HIPK2: variants seen among roughly 807,000 people sequenced by gnomAD.
HIPK2 encodes homeodomain interacting protein kinase 2, also known as homeodomain-interacting protein kinase 2.
Under a neutral mutation model 113.7 loss-of-function variants are expected in HIPK2, and 27 were observed. The observed-to-expected ratio is 0.24, with a 90% CI of 0.17 to 0.33. The LOEUF is 0.33. HIPK2 is among the 10% of genes least tolerant of loss of function. The pLI is 1.00. For synonymous variants in HIPK2, 631 were observed against 642.2 expected (o/e 0.98, Z 0.26); for missense variants, 1,257 against 1,588.0 (o/e 0.79, Z 3.54).
chr7:139,646,975 T>C (rs559713992), intron 2 of HIPK2, among the ~76,000 whole-genome samples: 1 of 152,226 alleles, frequency 6.6e-6, no homozygotes, highest in African/African-American at 2.4e-5. Flanking sequence ...CTGGCTCTCA[T>C]GGAAAGCCTT....
At chr7:139,666,395 G>A (rs1802051236) in intron 2 of HIPK2, among the ~76,000 whole-genome samples, 1 of 152,188 alleles carries the variant, frequency 6.6e-6, no homozygotes, top group South Asian at 2.1e-4. Flanking sequence ...AGGGCTCACT[G>A]GAACCATCAA....
intron 2 of HIPK2, among the ~76,000 whole-genome samples, chr7:139,708,474 C>T (rs925083789): frequency 3.9e-5 from 6 of 152,112 alleles, no homozygotes; most frequent in African/African-American, 1.4e-4. Flanking sequence ...TCGGCAAGTA[C>T]CCTGGGTGAT....
chr7:139,573,720 T>C (rs974188702), intron 14 of HIPK2, among the ~76,000 whole-genome samples: 5 of 151,898 alleles, frequency 3.3e-5, no homozygotes, highest in Non-Finnish European at 7.4e-5. Flanking sequence ...GCACGTGCCT[T>C]GTCTGTAGTC....
rs1798377755 is a variant in HIPK2 at position 139,573,396 on chromosome 7, G to A, written c.3128C>T (p.Ala1043Val). The change falls in exon 15 of 15, where the codon GCT becomes GTT. Residue 1043 changes from alanine to valine, a missense_variant and splice_region_variant. Around this residue, in one of 5 missense-constraint regions of HIPK2, gnomAD observed 862 missense variants for 1,004.3 expected, o/e 0.86. Coordinates refer to ENST00000406875, the MANE Select transcript of HIPK2 (RefSeq NM_022740.5). The stretch of plus-strand genomic sequence containing the variant: ...GCGGTCCGTGGTGATGTGCTGCTGA[G>A]CCTGGGGAGGAGAGGCACCAAGAGA... ...QQQQPLNLSQ[A>V]QQHITTDRTG... 6.2e-7 allele frequency: 1 copy of A among 1,601,876 alleles called. No individual in the cohort carries two copies. The highest frequency in any genetic ancestry group is 1.3e-5 in the African/African-American group (1 of 74,880).
At chr7:139,612,399 T>G (rs10266114) in intron 9 of HIPK2, among the ~76,000 whole-genome samples, 1 of 152,014 alleles carries the variant, frequency 6.6e-6, no homozygotes, top group East Asian at 1.9e-4. Context: ...AGCTTGGTGG[T>G]TGAAATACAG....
At chr7:139,650,701 G>A (rs920762413) in intron 2 of HIPK2, among the ~76,000 whole-genome samples, 1 of 152,214 alleles carries the variant, frequency 6.6e-6, no homozygotes, top group African/African-American at 2.4e-5. Flanking sequence ...GGCTGTAAAA[G>A]GCATGTGGCT....
intron 1 of HIPK2, among the ~76,000 whole-genome samples, chr7:139,722,588 A>G (rs1238103616): frequency 6.6e-6 from 1 of 152,136 alleles, no homozygotes; most frequent in South Asian, 2.1e-4. Context: ...AGGATTCTTA[A>G]AACACTTATG....
chr7:139,724,034 CAAAG>C (rs904399102), intron 1 of HIPK2, among the ~76,000 whole-genome samples: 5 of 147,572 alleles, frequency 3.4e-5, no homozygotes, highest in South Asian at 2.1e-4. Flanking sequence ...ATAAAGAACT[CAAAG>C]GAAGGATTAA....
At chr7:139,773,184 G>A (rs1462654056) in intron 1 of HIPK2, among the ~76,000 whole-genome samples, 5 of 152,212 alleles carry the variant, frequency 3.3e-5, no homozygotes, top group Non-Finnish European at 5.9e-5. Flanking sequence ...TTGAGTTCAT[G>A]TGGGTGAAGG....
intron 2 of HIPK2, among the ~76,000 whole-genome samples, chr7:139,707,094 G>A (rs1416559071): frequency 1.3e-5 from 2 of 152,238 alleles, no homozygotes; most frequent in African/African-American, 4.8e-5. Flanking sequence ...GCCTCGGGCA[G>A]GCTCCTCAGA....
intron 12 of HIPK2, among the ~76,000 whole-genome samples, chr7:139,594,504 G>C (rs58983097): frequency 2.6e-5 from 4 of 151,950 alleles, no homozygotes; most frequent in African/African-American, 7.3e-5. Context: ...TGTGATCACA[G>C]TTACACAGTG....
chr7:139,745,837 A>G (rs1796181339), intron 1 of HIPK2, among the ~76,000 whole-genome samples: 1 of 152,154 alleles, frequency 6.6e-6, no homozygotes, highest in South Asian at 2.1e-4. Context: ...GGGACTCAGT[A>G]AATGTTTACT....
chr7:139,628,187 T>C (rs1449964413), intron 5 of HIPK2, among the ~76,000 whole-genome samples: 1 of 152,198 alleles, frequency 6.6e-6, no homozygotes, highest in Non-Finnish European at 1.5e-5. Flanking sequence ...TCTTCCCCTA[T>C]GGCCTTTACA....
chr7:139,623,456 C>T (rs1257929744), intron 6 of HIPK2, among the ~76,000 whole-genome samples: 10 of 145,194 alleles, frequency 6.9e-5, no homozygotes, highest in Non-Finnish European at 1.2e-4. Context: ...GCTGCAGTGA[C>T]GCAGTGAGCA....
chr7:139,583,759 A>G, intron 13 of HIPK2, 58 bp downstream of exon 13: 1 of 1,572,288 alleles, frequency 6.4e-7, no homozygotes, highest in Non-Finnish European at 8.6e-7. Flanking sequence ...TAGCAGCAGA[A>G]AAGCAGGAAA....
intron 2 of HIPK2, among the ~76,000 whole-genome samples, chr7:139,703,917 T>C (rs1343142564): frequency 9.6e-6 from 1 of 104,112 alleles, no homozygotes. Flanking sequence ...ACCCAACACA[T>C]ACAACCCCTC....
At chr7:139,657,592 G>C (rs961439583) in intron 2 of HIPK2, among the ~76,000 whole-genome samples, 3 of 152,142 alleles carry the variant, frequency 2.0e-5, no homozygotes, top group Admixed American at 1.3e-4. Context: ...TTTACCCAGT[G>C]CTATCTCTGC....
At chr7:139,585,601 T>C (rs1003552206) in intron 12 of HIPK2, among the ~76,000 whole-genome samples, 1 of 152,228 alleles carries the variant, frequency 6.6e-6, no homozygotes, top group Non-Finnish European at 1.5e-5. Context: ...AGTGATTCAG[T>C]GGCCTCATCA....
In HIPK2 at chr7:139,573,298, T is replaced by A; in HGVS notation, c.3226A>T (p.Asn1076Tyr). The A allele has an allele frequency of 6.2e-7, 1 of 1,605,054 alleles. No homozygotes were observed. The highest frequency in any genetic ancestry group is 8.5e-7 in the Non-Finnish European group (1 of 1,179,792). Residue 1076 changes from asparagine to tyrosine, a missense_variant, in exon 15 of 15, where the codon AAC (asparagine) becomes TAC (tyrosine). Physicochemically the swap from Asn to Tyr is moderately radical, Grantham distance 143. This residue lies in a region of HIPK2 where 862 missense variants were observed against 1,004.3 expected (regional missense o/e 0.86). Coordinates refer to ENST00000406875, the MANE Select transcript of HIPK2 (RefSeq NM_022740.5). ...TGCACAGTGCCGTGGCTGGGGCTGT[T>A]GTGCGGGAAGGAGTACGGAGCCTGG... is the stretch of plus-strand genomic sequence containing the variant. Reference protein sequence around the residue: ...MAQAPYSFPHNSPSHGTVHPH... With the variant: ...MAQAPYSFPHYSPSHGTVHPH...
Sources: allele counts gnomAD v4.1 joint callset (sites outside exome capture counted in the v4.1 genomes callset), GRCh38; gene constraint gnomAD v4.1.1; regional missense constraint gnomAD v4.1.1; transcripts MANE v1.5; gene names NCBI Gene and HGNC (gene_info 2026-07-23, HGNC 2026-07-21).